The following NAGPA variants were observed in gnomAD, a reference collection of about 807,000 sequenced individuals.
NAGPA encodes the protein N-acetylglucosamine-1-phosphodiester alpha-N-acetylglucosaminidase, also known as alpha-N-acetylglucosaminyl phosphodiesterase.
A neutral mutation model predicts 48.5 loss-of-function variants in NAGPA; 56 were observed. The ratio of observed to expected loss-of-function variants is 1.15; its 90% confidence interval spans 0.93 to 1.44. NAGPA has a LOEUF of 1.44. Among genes scored for constraint, NAGPA ranks in the 40% most tolerant of loss-of-function variants. The pLI is 0.00. For synonymous variants in NAGPA, 399 were observed against 315.5 expected (o/e 1.26, Z -2.81); for missense variants, 888 against 735.0 (o/e 1.21, Z -2.41).
chr16:5,031,979 A>G, intron 2 of NAGPA, 95 bp from the exon 3 acceptor site: 2 of 1,551,040 alleles, frequency 1.3e-6, no homozygotes, highest in Admixed American at 1.7e-5. Flanking sequence ...TGGCTGCTAG[A>G]TTCCCCCTCA....
In NAGPA at chr16:5,025,565, T is replaced by C. The variant is rs1217268346; in HGVS notation, c.1461A>G (p.Ala487=). The stretch of plus-strand genomic sequence containing the variant: ...CGTTCATCTCCTGCAGCGGGTGGTA[T>C]GCATAGTCCCCATGCAGGCGCCGGT... The part of the protein sequence containing the change: ...ERNRRLHGDY[A]YHPLQEMNGE... Residue 487 remains alanine (A), a synonymous_variant, in exon 10 of 10, where the codon GCA becomes GCG. Coordinates refer to ENST00000312251, the MANE Select transcript of NAGPA (RefSeq NM_016256.4). 1 of 1,613,738 alleles carries C rather than the reference T, an allele frequency of 6.2e-7. No individual in the cohort carries two copies.
chr16:5,032,287 G>T (rs1202448811), intron 2 of NAGPA, among the ~76,000 whole-genome samples: 3 of 152,084 alleles, frequency 2.0e-5, no homozygotes, highest in Non-Finnish European at 4.4e-5. Context: ...CTCAGGATCA[G>T]AACAAGCTTT....
At chr16:5,032,829 T>G (rs1056998940) in intron 2 of NAGPA, among the ~76,000 whole-genome samples, 2 of 152,204 alleles carry the variant, frequency 1.3e-5, no homozygotes, top group Admixed American at 1.3e-4. Flanking sequence ...AGTTCTGACC[T>G]TGGCTCACTT....
rs1567138182 is a variant in NAGPA at position 5,027,201 on chromosome 16, G to GT, written c.1277-4dup. On this transcript the variant is annotated splice_region_variant and splice_polypyrimidine_tract_variant and intron_variant, in intron 8 of 9. Coordinates refer to ENST00000312251, the MANE Select transcript of NAGPA (RefSeq NM_016256.4). Reference sequence around the variant, plus strand: ...AGGTGGCTGGAGACACTGCTTTACTGTAACATACCAGAGACAGGCTGAAGG... The same window carrying GT: ...AGGTGGCTGGAGACACTGCTTTACTGTTAACATACCAGAGACAGGCTGAAGG... The GT allele has an allele frequency of 3.7e-6, 6 of 1,614,158 alleles. No individual in the cohort carries two copies. The South Asian group carries it at 6.6e-5, about 18-fold the overall frequency.
chr16:5,029,084 G>A (rs1956057510), intron 4 of NAGPA, 76 bp from the exon 5 acceptor site: 1 of 1,598,480 alleles, frequency 6.3e-7, no homozygotes, highest in Non-Finnish European at 8.5e-7. Context: ...CTTCCACAGT[G>A]CAGAGCATCA....
intron 7 of NAGPA, among the ~76,000 whole-genome samples, 190 bp from the exon 8 acceptor site, chr16:5,027,569 A>C (rs376543578): frequency 1.3e-5 from 2 of 152,292 alleles, no homozygotes; most frequent in East Asian, 3.9e-4. Flanking sequence ...GAATCTCTAC[A>C]GAGGCACTGC....
Position 5,028,039 on chromosome 16 carries a change from C to G in NAGPA, c.1067G>C (p.Gly356Ala). ...GGGGCCACAGTCCAGCTCATCACAG[C>G]CGGGACCCCGCCAGAAGTGCCCGGT... Reference protein sequence around the residue: ...QCTGHFWRGPGCDELDCGPSN... With the variant: ...QCTGHFWRGPACDELDCGPSN... Residue 356 changes from glycine to alanine, a missense_variant, in exon 6 of 10, where the codon GGC becomes GCC. Gly to Ala is a moderately conservative substitution (Grantham distance 60, BLOSUM62 0). Coordinates refer to ENST00000312251, the MANE Select transcript of NAGPA (RefSeq NM_016256.4). 1 of 1,613,838 alleles carries G rather than the reference C, an allele frequency of 6.2e-7. No individual in the cohort carries two copies. The highest frequency in any genetic ancestry group is 8.5e-7 in the Non-Finnish European group (1 of 1,179,934).
intron 7 of NAGPA, 91 bp downstream of exon 7, chr16:5,027,755 A>G: frequency 6.6e-7 from 1 of 1,521,632 alleles, no homozygotes; most frequent in South Asian, 1.2e-5. Flanking sequence ...CATTTCCCAG[A>G]CCAGAAGGTG....
chr16:5,033,294 C>T lies in NAGPA; in HGVS notation c.521G>A (p.Arg174His). The T allele has an allele frequency of 6.3e-7, 1 of 1,595,618 alleles. No individual in the cohort carries two copies. The highest frequency in any genetic ancestry group is 8.5e-7 in the Non-Finnish European group (1 of 1,178,834). The stretch of plus-strand genomic sequence containing the variant: ...TCACCCGGTGACCAGGGTCCCGTCG[C>T]GGCGGATCCCGAACTGCGCGTTCTG... ...GLQNAQFGIR[R>H]DGTLVTGYLS... The change falls in exon 2 of 10, where the codon CGC becomes CAC. Residue 174 changes from arginine (R) to histidine (H), a missense_variant. By Grantham distance (29) the Arg-to-His change is conservative (BLOSUM62 0). Coordinates refer to ENST00000312251, the MANE Select transcript of NAGPA (RefSeq NM_016256.4). This position sits in a 1 kb window ranked among gnomAD's most constrained non-coding sequence, Gnocchi z 4.2.
At position 5,033,487 on chromosome 16, in the gene NAGPA, C is replaced by A; in HGVS notation, c.328G>T (p.Gly110Cys). ...PLRTFSVLEP[G>C]GPGGCAARRR... ...CTCGCCGCGCAGCCGCCGGGTCCAC[C>A]GGGCTCCAGCACCGAGAAGGTGCGC... is the stretch of plus-strand genomic sequence containing the variant. The change falls in exon 2 of 10, where the codon GGT becomes TGT. Residue 110 changes from glycine to cysteine, a missense_variant. Physicochemically the swap from Gly to Cys is radical, Grantham distance 159 (BLOSUM62 -3). Transcript: ENST00000312251. The surrounding 1 kb of genome is among the most constrained non-coding windows in gnomAD (Gnocchi z 4.2). The A allele has an allele frequency of 6.4e-7, 1 of 1,567,588 alleles. No individual in the cohort carries two copies. Among genetic ancestry groups the A allele is most frequent in the Non-Finnish European group, 8.6e-7 (1 of 1,165,020 alleles).
intron 4 of NAGPA, 180 bp downstream of exon 4, chr16:5,030,205 G>T: frequency 1.6e-6 from 1 of 642,990 alleles, no homozygotes; most frequent in Non-Finnish European, 2.8e-6. Flanking sequence ...TGAGTTCTTG[G>T]AATCGGCAAA....
intron 2 of NAGPA, among the ~76,000 whole-genome samples, chr16:5,032,496 C>CA (rs1956118831): frequency 6.6e-6 from 1 of 150,484 alleles, no homozygotes; most frequent in Admixed American, 6.6e-5. Flanking sequence ...CCCCCGTTCC[C>CA]CACCCCATCC....
At position 5,028,214 on chromosome 16, in the gene NAGPA, G is replaced by T. The variant is rs8060705; in HGVS notation, c.921-29C>A. The T allele has an allele frequency of 3.2e-6, 5 of 1,550,750 alleles. No individual in the cohort carries two copies. In the African/African-American group the frequency reaches 4.1e-5, roughly 13 times the overall value. On this transcript the variant is annotated intron_variant, in intron 5 of 9. Transcript: ENST00000312251. ...TAGAGGGATGTGATGTGTGAGGAGAGGACACCCCCAGACGGCCCCTCAACT... is the reference window on the plus strand; with the variant it reads ...TAGAGGGATGTGATGTGTGAGGAGATGACACCCCCAGACGGCCCCTCAACT...
rs200351948 is a variant in NAGPA, at chr16:5,027,811, G to A, written c.1174+35C>T. 131 of 1,551,524 alleles carry A rather than the reference G, an allele frequency of 8.4e-5. No homozygotes were observed. The African/African-American group carries it at 1.2e-3, about 14-fold the overall frequency. ...GCAGTGGGGGCTGCCGGGGGCCACC[G>A]TCTCCCCATCCGCTAGTGGCGTGGC... On this transcript the variant is annotated intron_variant, in intron 7 of 9. Coordinates refer to ENST00000312251, the MANE Select transcript of NAGPA (RefSeq NM_016256.4).
rs758180831 is a variant in NAGPA, at chr16:5,033,665, G to A, written c.150C>T (p.Asp50=). 2 of 1,591,914 alleles carry A rather than the reference G, an allele frequency of 1.3e-6. No homozygotes were observed. The highest frequency in any genetic ancestry group is 1.7e-6 in the Non-Finnish European group (2 of 1,174,492). ...YPRARARLPR[D]CTRVRAGNRE... is the part of the protein sequence containing the mutation. ...GGTTGCCGGCGCGCACCCGTGTGCAGTCCCGGGGGAGGCGCGCGCGCGCGC... is the reference window on the plus strand; with the variant it reads ...GGTTGCCGGCGCGCACCCGTGTGCAATCCCGGGGGAGGCGCGCGCGCGCGC... The change falls in exon 2 of 10, where the codon GAC becomes GAT. Residue 50 remains aspartate, a synonymous_variant. Coordinates refer to ENST00000312251, the MANE Select transcript of NAGPA (RefSeq NM_016256.4). The surrounding 1 kb of genome is among the most constrained non-coding windows in gnomAD (Gnocchi z 4.2).
intron 3 of NAGPA, 93 bp downstream of exon 3, chr16:5,031,652 C>T: frequency 1.3e-6 from 2 of 1,548,234 alleles, no homozygotes; most frequent in Non-Finnish European, 1.8e-6. Context: ...AAAGTAGCTG[C>T]TCAATACTTG....
At chr16:5,032,330 A>G (rs1467627088) in intron 2 of NAGPA, among the ~76,000 whole-genome samples, 1 of 152,130 alleles carries the variant, frequency 6.6e-6, no homozygotes, top group Admixed American at 6.5e-5. Context: ...TTGAGACTCA[A>G]ATAATTTTTA....
At position 5,033,553 on chromosome 16, in the gene NAGPA, G is replaced by T; in HGVS notation, c.262C>A (p.Arg88Ser). ...CGCGTCAGGTGGCCGGCCACCGCGC[G>T]GTCCCTGAAGTGCGACACGAAGGTG... is the stretch of plus-strand genomic sequence containing the variant. ...VRTFVSHFRDRAVAGHLTRAV... is the reference protein window; with the variant it reads ...VRTFVSHFRDSAVAGHLTRAV... The change falls in exon 2 of 10, where the codon CGC (arginine) becomes AGC (serine). Residue 88 changes from arginine (R) to serine (S), a missense_variant. Arg to Ser is a moderately radical substitution (Grantham distance 110, BLOSUM62 -1). Coordinates refer to ENST00000312251, the MANE Select transcript of NAGPA (RefSeq NM_016256.4). This position sits in a 1 kb window ranked among gnomAD's most constrained non-coding sequence, Gnocchi z 4.2. 1.3e-6 allele frequency: 2 copies of T among 1,500,608 alleles called. No individual in the cohort carries two copies. Among genetic ancestry groups the T allele is most frequent in the Non-Finnish European group, 1.8e-6 (2 of 1,133,978 alleles). The allele number at this position is 1,500,608 out of a possible 1,614,324, so 93.0% of individuals were successfully genotyped here.
At chr16:5,027,746 A>C in intron 7 of NAGPA, 100 bp downstream of exon 7, 1 of 1,505,104 alleles carries the variant, frequency 6.6e-7, no homozygotes, top group South Asian at 1.2e-5. Flanking sequence ...AGAGGCAAGC[A>C]TTTCCCAGAC....
Sources: allele counts gnomAD v4.1 joint callset (sites outside exome capture counted in the v4.1 genomes callset), GRCh38; gene constraint gnomAD v4.1.1; non-coding constraint Gnocchi (gnomAD v3.1); transcripts MANE v1.5; gene names NCBI Gene and HGNC (gene_info 2026-07-23, HGNC 2026-07-21).